L3MBTL3: variants seen among roughly 807,000 people sequenced by gnomAD.
L3MBTL3 encodes the protein lethal(3)malignant brain tumor-like protein 3.
A neutral mutation model predicts 102.3 loss-of-function variants in L3MBTL3; 27 were observed. The ratio of observed to expected loss-of-function variants is 0.26; its 90% confidence interval spans 0.19 to 0.36. The LOEUF (loss-of-function observed/expected upper bound fraction) is 0.36. Ranked by LOEUF, L3MBTL3 falls within the 10% of genes least tolerant of loss-of-function variation. The pLI is 1.00. For synonymous variants in L3MBTL3, 340 were observed against 320.9 expected, an observed-to-expected ratio of 1.06 and a Z score of -0.64; for missense variants, 798 against 955.3, an observed-to-expected ratio of 0.84 and a Z score of 2.17.
chr6:130,138,072 GT>G (rs1182698125), intron 22 of L3MBTL3: 1 of 152,222 alleles, frequency 6.6e-6, no homozygotes, highest in Non-Finnish European at 1.5e-5. Context: ...TGAAGAAGTT[GT>G]GTAAGATGAC....
chr6:130,129,999 C>T (rs1786897064), intron 20 of L3MBTL3, among the ~76,000 whole-genome samples: 1 of 152,178 alleles, frequency 6.6e-6, no homozygotes, highest in South Asian at 2.1e-4. Flanking sequence ...TAGGAGGTGG[C>T]ATGCTGTGTG....
At chr6:130,092,440 A>G (rs1410094519) in intron 16 of L3MBTL3, among the ~76,000 whole-genome samples, 1 of 152,176 alleles carries the variant, frequency 6.6e-6, no homozygotes, top group South Asian at 2.1e-4. Context: ...TGAAGATGTT[A>G]TAACAGTTCC....
At chr6:130,058,613 A>C (rs114111265) in intron 9 of L3MBTL3, among the ~76,000 whole-genome samples, 1 of 152,190 alleles carries the variant, frequency 6.6e-6, no homozygotes, top group African/African-American at 2.4e-5. Context: ...ATACAAAAAC[A>C]AGGGTTGGTA....
chr6:130,077,560 T>C (rs994550851), intron 13 of L3MBTL3, among the ~76,000 whole-genome samples: 2 of 152,234 alleles, frequency 1.3e-5, no homozygotes. Context: ...TTACATGAAC[T>C]CACAATGTAT....
At chr6:130,081,395 A>C (rs556503474) in intron 14 of L3MBTL3, among the ~76,000 whole-genome samples, 3 of 151,870 alleles carry the variant, frequency 2.0e-5, no homozygotes, top group Admixed American at 2.0e-4. Context: ...AAATGTATAC[A>C]CAGAACTATG....
chr6:130,055,662 CT>C (rs1781450647), intron 8 of L3MBTL3, among the ~76,000 whole-genome samples: 2 of 38,344 alleles, frequency 5.2e-5, no homozygotes, highest in African/African-American at 9.5e-5. Context: ...CCCTCCCTCC[CT>C]CTCTCTCCCT....
At chr6:130,125,340 G>A (rs546341175) in intron 20 of L3MBTL3, among the ~76,000 whole-genome samples, 12 of 151,964 alleles carry the variant, frequency 7.9e-5, no homozygotes, top group Non-Finnish European at 1.5e-4. Context: ...TTCCTACATT[G>A]GCTTGTTCTC....
At chr6:130,114,972 T>C (rs1294069775) in intron 19 of L3MBTL3, among the ~76,000 whole-genome samples, 1 of 152,074 alleles carries the variant, frequency 6.6e-6, no homozygotes, top group African/African-American at 2.4e-5. Flanking sequence ...TTAAACTTTC[T>C]TTAGAGAATG....
At chr6:130,039,422 A>G (rs1243110080) in intron 2 of L3MBTL3, among the ~76,000 whole-genome samples, 1 of 152,214 alleles carries the variant, frequency 6.6e-6, no homozygotes, top group East Asian at 1.9e-4. Context: ...CAGATTATCT[A>G]TGAATTACAA....
In L3MBTL3 at chr6:130,094,361, C is replaced by G; in HGVS notation, c.1730C>G (p.Pro577Arg). ...GHFKRARHLGPHSAANCPYSE... is the reference protein window; with the variant it reads ...GHFKRARHLGRHSAANCPYSE... ...TTCAAGAGAGCGAGACATCTGGGCC[C>G]TCACAGGTATGTGGTAGCTGTCACT... Residue 577 changes from proline to arginine, a missense_variant, in exon 18 of 23, where the codon CCT becomes CGT. Transcript: ENST00000361794. 6.2e-7 allele frequency: 1 copy of G among 1,612,390 alleles called. No individual in the cohort carries two copies. The highest frequency in any genetic ancestry group is 8.5e-7 in the Non-Finnish European group (1 of 1,178,682).
chr6:130,044,593 A>C (rs1317565882), intron 3 of L3MBTL3, among the ~76,000 whole-genome samples: 1 of 152,140 alleles, frequency 6.6e-6, no homozygotes, highest in African/African-American at 2.4e-5. Context: ...TTATCATCTG[A>C]GTTATTTGAT....
At chr6:130,076,396 CT>C (rs2115048193) in intron 13 of L3MBTL3, among the ~76,000 whole-genome samples, 1 of 152,282 alleles carries the variant, frequency 6.6e-6, no homozygotes, top group Non-Finnish European at 1.5e-5. Context: ...CACTTAACCT[CT>C]TTGATTTCCA....
rs193297428 is a variant in L3MBTL3, at chr6:130,032,206, G to A, written c.-16+9901G>A. Among the ~76,000 whole-genome samples the A allele has an allele frequency of 2.0e-3, 302 of 152,234 alleles. 1 individual carries two copies. Among genetic ancestry groups the A allele is most frequent in the African/African-American group, 6.8e-3 (283 of 41,516 alleles). ...CACACCTGATCATATCTGCTTTTTA[G>A]GTAGTGATCTTCACACCTTGTGACA... is the stretch of plus-strand genomic sequence containing the variant. On this transcript the variant is annotated intron_variant, in intron 2 of 22. Transcript: ENST00000361794.
intron 2 of L3MBTL3, among the ~76,000 whole-genome samples, chr6:130,035,388 C>T (rs563111264): frequency 2.6e-5 from 4 of 152,240 alleles, no homozygotes; most frequent in South Asian, 2.1e-4. Flanking sequence ...AAGGGAGAGT[C>T]AGGTTTCACA....
chr6:130,021,235 G>C (rs1200310623), intron 1 of L3MBTL3, among the ~76,000 whole-genome samples: 1 of 152,200 alleles, frequency 6.6e-6, no homozygotes, highest in African/African-American at 2.4e-5. Context: ...GTGGTTGAAC[G>C]CGTCTTTTAA....
chr6:130,037,216 A>G (rs1269256451), intron 2 of L3MBTL3, among the ~76,000 whole-genome samples: 2 of 152,202 alleles, frequency 1.3e-5, no homozygotes, highest in Non-Finnish European at 2.9e-5. Flanking sequence ...TGGAGACTGT[A>G]ATAACCAGGA....
In L3MBTL3 at chr6:130,103,610, A is replaced by G. The variant is rs149857827; in HGVS notation, c.1737-816A>G. Among the ~76,000 whole-genome samples, 686 of 152,362 alleles carry G rather than the reference A, an allele frequency of 4.5e-3. 6 individuals carry two copies. Among genetic ancestry groups the G allele is most frequent in the African/African-American group, 0.015 (629 of 41,594 alleles). ...CTTCCCAAAAGCAGAGAGGCAAGAT[A>G]GGCAGTTATTTGGGGAGGCCCATGT... is the stretch of plus-strand genomic sequence containing the variant. On this transcript the variant is annotated intron_variant, in intron 18 of 22. Transcript: ENST00000361794.
chr6:130,104,793 T>C (rs940316120), intron 19 of L3MBTL3, among the ~76,000 whole-genome samples: 4 of 151,884 alleles, frequency 2.6e-5, no homozygotes, highest in African/African-American at 9.7e-5. Context: ...AGGATTTTTC[T>C]CTGACTCATT....
intron 13 of L3MBTL3, among the ~76,000 whole-genome samples, chr6:130,077,629 C>T (rs936814681): frequency 6.6e-6 from 1 of 152,236 alleles, no homozygotes; most frequent in Non-Finnish European, 1.5e-5. Context: ...GCTAATCTCA[C>T]CCACTTACGA....
Sources: gnomAD v4.1 joint callset for allele counts (sites outside exome capture counted in the v4.1 genomes callset) on GRCh38, gnomAD v4.1.1 for gene constraint, MANE v1.5 for transcripts, NCBI Gene and HGNC (gene_info 2026-07-23, HGNC 2026-07-21) for gene names.